PLD1: variants seen among roughly 807,000 people sequenced by gnomAD.
PLD1 encodes choline phosphatase 1.
Under a neutral mutation model 137.1 loss-of-function variants are expected in PLD1, and 112 were observed. The ratio of observed to expected loss-of-function variants is 0.82; its 90% CI spans 0.70 to 0.96. PLD1 has a LOEUF of 0.96. Ranked by LOEUF, PLD1 falls within the 40% of genes least tolerant of loss-of-function variation. The pLI, the probability that PLD1 is intolerant of heterozygous loss-of-function variation, is 0.00. For synonymous variants in PLD1, 431 were observed against 454.7 expected, an observed-to-expected ratio of 0.95 and a Z score of 0.66; for missense variants, 1,321 against 1,342.0, an observed-to-expected ratio of 0.98 and a Z score of 0.24.
intron 1 of PLD1, among the ~76,000 whole-genome samples, chr3:171,780,464 G>A (rs371111641): frequency 3.9e-5 from 6 of 152,224 alleles, no homozygotes; most frequent in Admixed American, 3.9e-4. Context: ...AATAAAGGAG[G>A]GATGTCTGAG....
chr3:171,623,913 T>C (rs1343361076), intron 23 of PLD1, among the ~76,000 whole-genome samples: 1 of 145,130 alleles, frequency 6.9e-6, no homozygotes, highest in African/African-American at 2.6e-5. Context: ...TGTAAGCAAA[T>C]GAAACCAGAC....
intron 8 of PLD1, 134 bp downstream of exon 8, chr3:171,724,562 G>T: frequency 1.6e-6 from 1 of 606,248 alleles, no homozygotes; most frequent in Non-Finnish European, 2.9e-6. Flanking sequence ...CTGGAATTTG[G>T]ATTTTAAAAT....
chr3:171,796,958 C>G (rs1405969781), intron 1 of PLD1, among the ~76,000 whole-genome samples: 1 of 152,160 alleles, frequency 6.6e-6, no homozygotes, highest in Non-Finnish European at 1.5e-5. Context: ...CCAGAGCTGC[C>G]CTTCTTAAGC....
chr3:171,792,759 C>A (rs1404935044), intron 1 of PLD1: 2 of 452,048 alleles, frequency 4.4e-6, no homozygotes, highest in Admixed American at 4.8e-5. Flanking sequence ...CTTTCTAGAG[C>A]CCCACCCTCC....
chr3:171,737,199 C>T (rs978398036), intron 3 of PLD1, among the ~76,000 whole-genome samples: 1 of 152,188 alleles, frequency 6.6e-6, no homozygotes, highest in African/African-American at 2.4e-5. Flanking sequence ...AATAAATATG[C>T]ATCAAGAGTC....
chr3:171,673,860 C>T (rs1480675311), intron 19 of PLD1, among the ~76,000 whole-genome samples: 1 of 151,864 alleles, frequency 6.6e-6, no homozygotes, highest in East Asian at 1.9e-4. Context: ...TACTTCTGTC[C>T]CCACATGATC....
intron 1 of PLD1, among the ~76,000 whole-genome samples, chr3:171,776,419 C>G (rs1200503683): frequency 6.6e-6 from 1 of 152,174 alleles, no homozygotes; most frequent in Non-Finnish European, 1.5e-5. Flanking sequence ...GCTCAAAGCT[C>G]TTTTATTTAG....
rs187747806 is a variant in PLD1, at chr3:171,602,542, G to A, written c.*536C>T. ...GGAATAATGACTATATCCTCATTTG[G>A]GTGAATGTTACTACTTCAGGACCAG... On this transcript the variant is annotated 3_prime_UTR_variant, in exon 27 of 27. Coordinates refer to ENST00000351298, the MANE Select transcript of PLD1 (RefSeq NM_002662.5). 1 of 163,118 alleles carries A rather than the reference G, an allele frequency of 6.1e-6. No individual in the cohort carries two copies. The allele number at this position is 163,118 out of a possible 1,614,324, so 10.1% of individuals were successfully genotyped here. A position where few individuals can be genotyped will look rare whatever the true frequency, so the allele number is the denominator to read the frequency against.
At chr3:171,749,345 AG>A (rs1333635374) in intron 1 of PLD1, among the ~76,000 whole-genome samples, 1 of 152,196 alleles carries the variant, frequency 6.6e-6, no homozygotes, top group African/African-American at 2.4e-5. Flanking sequence ...GCAGCCTGGA[AG>A]TGACACTCTT....
At chr3:171,751,229 A>C (rs1720635598) in intron 1 of PLD1, among the ~76,000 whole-genome samples, 1 of 152,240 alleles carries the variant, frequency 6.6e-6, no homozygotes, top group Admixed American at 6.5e-5. Flanking sequence ...CATGAACTAC[A>C]AACATGTAAA....
intron 1 of PLD1, among the ~76,000 whole-genome samples, chr3:171,805,197 C>T (rs1032958717): frequency 6.6e-6 from 1 of 152,090 alleles, no homozygotes; most frequent in African/African-American, 2.4e-5. Flanking sequence ...GCGTCAGAGG[C>T]TTCCAAAAGG....
chr3:171,712,984 T>C (rs1243273673), intron 9 of PLD1, among the ~76,000 whole-genome samples: 1 of 152,154 alleles, frequency 6.6e-6, no homozygotes, highest in Admixed American at 6.5e-5. Flanking sequence ...TTGGTAACTA[T>C]GTGCACAGGG....
chr3:171,770,428 C>G (rs980471136), intron 1 of PLD1, among the ~76,000 whole-genome samples: 8 of 152,170 alleles, frequency 5.3e-5, no homozygotes, highest in Non-Finnish European at 7.3e-5. Flanking sequence ...GAAGAAAAAC[C>G]GTGCATCAGA....
At chr3:171,667,223 T>C (rs1269621348) in intron 19 of PLD1, among the ~76,000 whole-genome samples, 1 of 152,152 alleles carries the variant, frequency 6.6e-6, no homozygotes, top group Non-Finnish European at 1.5e-5. Flanking sequence ...TGGTATGCAT[T>C]GGGGAGAGAA....
chr3:171,724,652 A>C (rs749529106), intron 8 of PLD1, 44 bp downstream of exon 8: 1 of 1,083,148 alleles, frequency 9.2e-7, no homozygotes, highest in African/African-American at 1.5e-5. Flanking sequence ...CCAAATACCC[A>C]GTGTATTAAA....
At position 171,669,321 on chromosome 3, in the gene PLD1, A is replaced by G. The variant is rs189017274; in HGVS notation, c.2229+5179T>C. Among the ~76,000 whole-genome samples, 310 of 152,326 alleles carry G rather than the reference A, an allele frequency of 2.0e-3. 1 individual carries two copies. The highest frequency in any genetic ancestry group is 3.3e-3 in the Admixed American group (51 of 15,298). On this transcript the variant is annotated intron_variant, in intron 19 of 26. Transcript: ENST00000351298. Reference sequence around the variant, plus strand: ...TCAAATACTCTTTCTCCCCATTCCAATAGATTTATGGCATAAAAATTTCTA... The same window carrying G: ...TCAAATACTCTTTCTCCCCATTCCAGTAGATTTATGGCATAAAAATTTCTA...
Position 171,688,695 on chromosome 3 carries a change from G to A in PLD1, c.1520C>T (p.Pro507Leu), listed in dbSNP as rs139594385. The change falls in exon 14 of 27, where the codon CCG (proline) becomes CTG (leucine). Residue 507 changes from proline to leucine, a missense_variant. Transcript: ENST00000351298. ...ACTTACTGGGAGGGAACCCAGAGACGGTCCTGAAGTGACCCGCTTCACACT... is the reference window on the plus strand; with the variant it reads ...ACTTACTGGGAGGGAACCCAGAGACAGTCCTGAAGTGACCCGCTTCACACT... ...VGSVKRVTSG[P>L]SLGSLPPAAM... The A allele has an allele frequency of 2.7e-5, 44 of 1,613,426 alleles. No homozygotes were observed. In the African/African-American group the frequency reaches 3.7e-4, roughly 14 times the overall value.
chr3:171,804,858 T>C (rs2108361430), intron 1 of PLD1, among the ~76,000 whole-genome samples: 1 of 152,364 alleles, frequency 6.6e-6, no homozygotes, highest in East Asian at 1.9e-4. Context: ...GCAAGGCTTT[T>C]TGTAAAGAAT....
At chr3:171,764,690 G>A (rs1013555648) in intron 1 of PLD1, among the ~76,000 whole-genome samples, 1 of 151,680 alleles carries the variant, frequency 6.6e-6, no homozygotes, top group Admixed American at 6.6e-5. Flanking sequence ...TGGGAAGATG[G>A]GGCCTGCAGA....
Sources: gnomAD v4.1 joint callset for allele counts (sites outside exome capture counted in the v4.1 genomes callset) on GRCh38, gnomAD v4.1.1 for gene constraint, MANE v1.5 for transcripts, NCBI Gene and HGNC (gene_info 2026-07-23, HGNC 2026-07-21) for gene names.